The following LRRC4C variants were observed in gnomAD, a reference collection of about 807,000 sequenced individuals.
The protein encoded by LRRC4C is leucine-rich repeat-containing protein 4C.
LRRC4C carries 5 observed loss-of-function variants against 33.6 expected under a neutral mutation model. The ratio of observed to expected loss-of-function variants is 0.15; its 90% CI spans 0.08 to 0.31. The LOEUF is 0.31. LRRC4C is among the 10% of genes least tolerant of loss of function. The pLI, the probability that LRRC4C is intolerant of heterozygous loss-of-function variation, is 1.00. For missense variants in LRRC4C, 560 were observed against 796.7 expected (o/e 0.70, Z 3.58); for synonymous variants, 329 against 302.0 (o/e 1.09, Z -0.93).
At chr11:40,660,437 G>C (rs1396894527) in intron 2 of LRRC4C, among the ~76,000 whole-genome samples, 1 of 152,164 alleles carries the variant, frequency 6.6e-6, no homozygotes, top group South Asian at 2.1e-4. Flanking sequence ...AAAACCCTAA[G>C]GATCCTGTGA....
intron 1 of LRRC4C, among the ~76,000 whole-genome samples, chr11:41,080,695 C>CA (rs1173525966): frequency 1.3e-5 from 2 of 151,602 alleles, no homozygotes; most frequent in Non-Finnish European, 2.9e-5. Flanking sequence ...CTCAAGATTT[C>CA]AAAAAAAATT....
intron 5 of LRRC4C, among the ~76,000 whole-genome samples, chr11:40,151,617 C>CA (rs1270000522): frequency 6.6e-6 from 1 of 152,062 alleles, no homozygotes; most frequent in African/African-American, 2.4e-5. Flanking sequence ...AAGGTAGAGA[C>CA]AAAAAATGGA....
chr11:41,330,171 T>C (rs1951247372), intron 1 of LRRC4C, among the ~76,000 whole-genome samples: 1 of 152,126 alleles, frequency 6.6e-6, no homozygotes, highest in Admixed American at 6.5e-5. Context: ...CATTCATGAG[T>C]CTGGGTAGAG....
chr11:41,124,522 G>C (rs770843348), intron 1 of LRRC4C, among the ~76,000 whole-genome samples: 2 of 152,190 alleles, frequency 1.3e-5, no homozygotes, highest in Non-Finnish European at 2.9e-5. Context: ...TACAGGCCTA[G>C]AAGTAAAAAT....
intron 1 of LRRC4C, among the ~76,000 whole-genome samples, chr11:41,012,391 T>C (rs1241351863): frequency 1.3e-5 from 2 of 152,194 alleles, no homozygotes; most frequent in African/African-American, 4.8e-5. Flanking sequence ...GTTCCATCCA[T>C]GTTGCAGAAA....
At chr11:40,743,532 G>GT (rs1336501242) in intron 2 of LRRC4C, among the ~76,000 whole-genome samples, 1 of 152,040 alleles carries the variant, frequency 6.6e-6, no homozygotes, top group African/African-American at 2.4e-5. Flanking sequence ...TTATAGGGTT[G>GT]TAAGATACAG....
At chr11:41,454,589 A>T (rs1956122639) in intron 1 of LRRC4C, among the ~76,000 whole-genome samples, 2 of 152,134 alleles carry the variant, frequency 1.3e-5, no homozygotes, top group South Asian at 4.1e-4. Context: ...CTGCAACCAC[A>T]TATGGAAAGA....
chr11:40,291,819 A>G (rs1223245742), intron 4 of LRRC4C, among the ~76,000 whole-genome samples: 1 of 152,208 alleles, frequency 6.6e-6, no homozygotes, highest in Non-Finnish European at 1.5e-5. Flanking sequence ...TCGATTTCCA[A>G]TAGCGAAACA....
intron 2 of LRRC4C, among the ~76,000 whole-genome samples, chr11:40,726,433 A>T (rs1184950627): frequency 6.6e-6 from 1 of 152,220 alleles, no homozygotes; most frequent in Non-Finnish European, 1.5e-5. Flanking sequence ...ATCCAGGAGC[A>T]CATCAAAATT....
chr11:40,400,500 C>T (rs1369990918), intron 3 of LRRC4C, among the ~76,000 whole-genome samples: 1 of 152,068 alleles, frequency 6.6e-6, no homozygotes, highest in Non-Finnish European at 1.5e-5. Context: ...GCTTATCTGA[C>T]CCTGCCATGC....
At chr11:40,847,432 T>C (rs535120029) in intron 2 of LRRC4C, among the ~76,000 whole-genome samples, 67 of 152,344 alleles carry the variant, frequency 4.4e-4, no homozygotes, top group African/African-American at 1.6e-3. Flanking sequence ...TGTTTCTGTT[T>C]ATGTGATGGA....
At chr11:40,205,484 A>AT (rs945225381) in intron 5 of LRRC4C, among the ~76,000 whole-genome samples, 2 of 152,068 alleles carry the variant, frequency 1.3e-5, no homozygotes, top group East Asian at 1.9e-4. Flanking sequence ...ATAGCTAGTA[A>AT]TTTTTTTTCT....
chr11:40,299,184 T>C (rs1426133547), intron 4 of LRRC4C, among the ~76,000 whole-genome samples: 1 of 152,220 alleles, frequency 6.6e-6, no homozygotes, highest in Non-Finnish European at 1.5e-5. Context: ...ATCAGTCACT[T>C]ATTTAAACAT....
intron 1 of LRRC4C, among the ~76,000 whole-genome samples, chr11:40,973,465 T>G (rs1851875572): frequency 2.0e-5 from 3 of 152,150 alleles, no homozygotes; most frequent in Non-Finnish European, 4.4e-5. Flanking sequence ...CCAAAATGAT[T>G]TATTTGATCA....
intron 4 of LRRC4C, among the ~76,000 whole-genome samples, chr11:40,312,517 T>C (rs1945364573): frequency 2.0e-5 from 3 of 152,198 alleles, no homozygotes; most frequent in Non-Finnish European, 2.9e-5. Flanking sequence ...GTGGTATTGA[T>C]AAGTAGACTG....
rs541131218 is a variant in LRRC4C, at chr11:40,348,702, C to T, written c.-269-28981G>A. Among the ~76,000 whole-genome samples, 5 of 152,276 alleles carry T rather than the reference C, an allele frequency of 3.3e-5. No individual in the cohort carries two copies. The South Asian group carries it at 1.0e-3, about 32-fold the overall frequency. On this transcript the variant is annotated intron_variant, in intron 3 of 6. Coordinates refer to ENST00000528697, the MANE Select transcript of LRRC4C (RefSeq NM_001258419.2). Reference sequence around the variant, plus strand: ...AACTAAAAGATGTGATAATCCAAATCTGTAACTCTTTCTAATGACTTCAGT... The same window carrying T: ...AACTAAAAGATGTGATAATCCAAATTTGTAACTCTTTCTAATGACTTCAGT...
chr11:40,777,498 T>C (rs1419869447), intron 2 of LRRC4C, among the ~76,000 whole-genome samples: 1 of 52,660 alleles, frequency 1.9e-5, no homozygotes, highest in Non-Finnish European at 3.9e-5. Context: ...CCTTTTTTAC[T>C]GTTTTTTTTT....
At chr11:40,577,406 A>G (rs1363102834) in intron 3 of LRRC4C, among the ~76,000 whole-genome samples, 4 of 152,226 alleles carry the variant, frequency 2.6e-5, no homozygotes, top group Non-Finnish European at 4.4e-5. Flanking sequence ...TTAAAGGGAA[A>G]AGGAGTCACT....
chr11:41,385,173 T>C (rs1334030822), intron 1 of LRRC4C, among the ~76,000 whole-genome samples: 1 of 151,150 alleles, frequency 6.6e-6, no homozygotes, highest in Non-Finnish European at 1.5e-5. Context: ...TGGGAGATTC[T>C]CTCGACCCTC....
Sources: gnomAD v4.1 joint callset for allele counts (sites outside exome capture counted in the v4.1 genomes callset) on GRCh38, gnomAD v4.1.1 for gene constraint, MANE v1.5 for transcripts, NCBI Gene and HGNC (gene_info 2026-07-23, HGNC 2026-07-21) for gene names.